AGBL4: variants seen among roughly 807,000 people sequenced by gnomAD.
The protein encoded by AGBL4 is cytosolic carboxypeptidase 6.
In AGBL4, 58 loss-of-function variants were observed where a neutral mutation model predicts 66.4. The observed-to-expected ratio is 0.87, with a 90% confidence interval of 0.71 to 1.09. The LOEUF is 1.09. AGBL4 is among the 50% of genes least tolerant of loss of function. The pLI is 0.00. For missense variants in AGBL4, 579 were observed against 631.0 expected, an observed-to-expected ratio of 0.92 and a Z score of 0.88; for synonymous variants, 234 against 222.9, an observed-to-expected ratio of 1.05 and a Z score of -0.44.
intron 3 of AGBL4, among the ~76,000 whole-genome samples, chr1:49,281,580 C>G (rs1030760276): frequency 6.6e-5 from 10 of 152,214 alleles, no homozygotes; most frequent in Non-Finnish European, 1.3e-4. Flanking sequence ...ACTCAACTTT[C>G]CAATGATAAT....
chr1:49,633,862 T>C (rs938267350), intron 3 of AGBL4, among the ~76,000 whole-genome samples: 2 of 145,664 alleles, frequency 1.4e-5, no homozygotes, highest in Non-Finnish European at 3.0e-5. Flanking sequence ...TAGTTACATA[T>C]AGTTAAATAA....
At chr1:49,281,582 A>G (rs548297956) in intron 3 of AGBL4, among the ~76,000 whole-genome samples, 1 of 152,354 alleles carries the variant, frequency 6.6e-6, no homozygotes, top group African/African-American at 2.4e-5. Flanking sequence ...TCAACTTTCC[A>G]ATGATAATAC....
intron 3 of AGBL4, among the ~76,000 whole-genome samples, chr1:49,690,794 C>T (rs1646872394): frequency 1.3e-5 from 2 of 152,254 alleles, no homozygotes; most frequent in South Asian, 4.1e-4. Flanking sequence ...TGCACTGTTC[C>T]TATGGACCAG....
intron 2 of AGBL4, 71 bp downstream of exon 2, chr1:49,851,325 T>A: frequency 6.9e-7 from 1 of 1,448,732 alleles, no homozygotes; most frequent in Non-Finnish European, 9.1e-7. Context: ...AATGGTCACA[T>A]AAAATTCAAT....
At chr1:49,403,637 C>G (rs1236187920) in intron 3 of AGBL4, among the ~76,000 whole-genome samples, 1 of 152,062 alleles carries the variant, frequency 6.6e-6, no homozygotes, top group East Asian at 1.9e-4. Flanking sequence ...CCAGGATTAT[C>G]TTTATGCTTA....
intron 3 of AGBL4, among the ~76,000 whole-genome samples, chr1:49,512,037 G>C (rs572863268): frequency 6.6e-6 from 1 of 151,938 alleles, no homozygotes; most frequent in South Asian, 2.1e-4. Context: ...GGTTTGCAGG[G>C]TGCTATGTAC....
At chr1:49,134,486 C>A (rs868046097) in intron 4 of AGBL4, among the ~76,000 whole-genome samples, 4 of 97,792 alleles carry the variant, frequency 4.1e-5, no homozygotes, top group Non-Finnish European at 8.2e-5. Context: ...CCCCCCCCCC[C>A]CCACCCCAGG....
intron 9 of AGBL4, among the ~76,000 whole-genome samples, chr1:48,621,280 A>G (rs1420794867): frequency 6.6e-6 from 1 of 152,220 alleles, no homozygotes; most frequent in Non-Finnish European, 1.5e-5. Flanking sequence ...TAGACAGACG[A>G]GTGGATAGAT....
At chr1:49,294,852 T>C (rs1644609244) in intron 3 of AGBL4, among the ~76,000 whole-genome samples, 1 of 152,206 alleles carries the variant, frequency 6.6e-6, no homozygotes, top group African/African-American at 2.4e-5. Context: ...CTGCAACCTG[T>C]GCATTCTATC....
At chr1:50,006,775 G>A (rs1043117279) in intron 1 of AGBL4, among the ~76,000 whole-genome samples, 3 of 151,892 alleles carry the variant, frequency 2.0e-5, no homozygotes, top group Non-Finnish European at 4.4e-5. Flanking sequence ...ACAAACAAAA[G>A]CTGAGGGATT....
intron 6 of AGBL4, among the ~76,000 whole-genome samples, chr1:48,856,256 A>T (rs555463312): frequency 6.6e-6 from 1 of 152,180 alleles, no homozygotes; most frequent in African/African-American, 2.4e-5. Flanking sequence ...CAACATGGAG[A>T]TTGTTTATGA....
chr1:48,859,117 C>A (rs1647279913), intron 6 of AGBL4, among the ~76,000 whole-genome samples: 2 of 152,154 alleles, frequency 1.3e-5, no homozygotes, highest in Admixed American at 1.3e-4. Flanking sequence ...CTCCTCATCC[C>A]TCCCTTTTCC....
Position 49,639,373 on chromosome 1 carries a change from T to C in AGBL4, c.282+57940A>G, listed in dbSNP as rs371910547. On this transcript the variant is annotated intron_variant, in intron 3 of 13. Coordinates refer to ENST00000371839, the MANE Select transcript of AGBL4 (RefSeq NM_032785.4). ...CACTATTATACACACTTGATACATA[T>C]TAAATCCTCATAACAACTTGATAAG... Among the ~76,000 whole-genome samples the C allele has an allele frequency of 3.4e-4, 52 of 152,344 alleles. 1 individual carries two copies. In the South Asian group the frequency reaches 9.5e-3, roughly 28 times the overall value.
At chr1:48,694,826 C>T (rs1418825722) in intron 6 of AGBL4, among the ~76,000 whole-genome samples, 1 of 151,504 alleles carries the variant, frequency 6.6e-6, no homozygotes, top group Non-Finnish European at 1.5e-5. Flanking sequence ...CCCCAATAAC[C>T]CCCTCTAGCA....
intron 4 of AGBL4, among the ~76,000 whole-genome samples, chr1:49,214,615 G>C (rs1341032362): frequency 1.3e-5 from 2 of 152,128 alleles, no homozygotes. Context: ...CAAGTTGCTT[G>C]TGGTACAGAA....
intron 6 of AGBL4, among the ~76,000 whole-genome samples, chr1:48,825,937 TCTC>T (rs1274614530): frequency 1.3e-5 from 2 of 152,108 alleles, no homozygotes; most frequent in Non-Finnish European, 1.5e-5. Context: ...AGGAAGGACT[TCTC>T]CACTGCTTTC....
intron 1 of AGBL4, among the ~76,000 whole-genome samples, chr1:49,986,472 CA>C (rs1421032139): frequency 6.6e-6 from 1 of 152,006 alleles, no homozygotes; most frequent in African/African-American, 2.4e-5. Context: ...ACTGTTTCAA[CA>C]TTTTTGTGCA....
At chr1:48,541,524 C>T (rs1644068978) in intron 11 of AGBL4, among the ~76,000 whole-genome samples, 2 of 152,214 alleles carry the variant, frequency 1.3e-5, no homozygotes, top group African/African-American at 4.8e-5. Flanking sequence ...GTAATCTCAG[C>T]ACTTTGGGAG....
At chr1:49,298,809 A>C (rs758073462) in intron 3 of AGBL4, among the ~76,000 whole-genome samples, 2 of 152,190 alleles carry the variant, frequency 1.3e-5, no homozygotes, top group Non-Finnish European at 2.9e-5. Flanking sequence ...CAGCAAGAGA[A>C]ACTTTCTTTG....
Sources: gnomAD v4.1 joint callset for allele counts (sites outside exome capture counted in the v4.1 genomes callset) on GRCh38, gnomAD v4.1.1 for gene constraint, MANE v1.5 for transcripts, NCBI Gene and HGNC (gene_info 2026-07-23, HGNC 2026-07-21) for gene names.